The following LIPN variants were observed in gnomAD, a reference collection of about 807,000 sequenced individuals.
The protein encoded by LIPN is lipase family member N, also known as lipase member N.
Under a neutral mutation model 43.7 loss-of-function variants are expected in LIPN, and 32 were observed. That is an observed-to-expected ratio of 0.73 (90% CI 0.55 to 0.98). LIPN has a LOEUF of 0.98. Among genes scored for constraint, LIPN ranks in the 50% least tolerant of loss-of-function variants. LIPN has a pLI of 0.00. For missense variants in LIPN, 505 were observed against 483.8 expected (o/e 1.04, Z -0.41); for synonymous variants, 156 against 157.6 (o/e 0.99, Z 0.08).
chr10:88,758,985 A>G (rs1365549221), upstream of LIPN, among the ~76,000 whole-genome samples: 1 of 152,182 alleles, frequency 6.6e-6, no homozygotes, highest in East Asian at 1.9e-4. Context: ...TGAAGTTAAA[A>G]ACCATGAGAA....
Position 88,774,477 on chromosome 10 carries a change from G to A in LIPN, c.824G>A (p.Arg275Gln), listed in dbSNP as rs372693385. The A allele has an allele frequency of 1.3e-4, 210 of 1,608,454 alleles. 1 individual carries two copies. Among genetic ancestry groups the A allele is most frequent in the South Asian group, 2.4e-4 (22 of 90,516 alleles). ...TATGAGTTTTATCTCCTTTAGAGTC[G>A]AATGGATGTGTATATGTCACATGCT... ...GSNKKNMNQS[R>Q]MDVYMSHAPT... The change falls in exon 8 of 10, where the codon CGA becomes CAA. Residue 275 changes from arginine to glutamine, a missense_variant. Arg to Gln is a conservative substitution (Grantham distance 43, BLOSUM62 1). Transcript: ENST00000404459.
At position 88,760,590 on chromosome 10, in the gene LIPN, C is replaced by A. The variant is rs1590171097; in HGVS notation, c.-9+484C>A. The stretch of plus-strand genomic sequence containing the variant: ...ACTTTTATAAGAAAAATAGTGAAAG[C>A]ATTTATTAAGAACTTACACTGCACT... On this transcript the variant is annotated intron_variant, in intron 1 of 9. Transcript: ENST00000404459. Among the ~76,000 whole-genome samples, 7 of 152,154 alleles carry A rather than the reference C, an allele frequency of 4.6e-5. 1 individual carries two copies. The South Asian group carries it at 1.5e-3, about 32-fold the overall frequency.
In LIPN at chr10:88,768,785, C is replaced by T. The variant is rs894104954; in HGVS notation, c.536-7C>T. 11 of 1,609,096 alleles carry T rather than the reference C, an allele frequency of 6.8e-6. No homozygotes were observed. In the Admixed American group the frequency reaches 8.4e-5, roughly 12 times the overall value. ...TTACAAGATTGTCTTATCTCCTGTT[C>T]TCTCAGGGTTTGTAGCCTTTTCCAC... On this transcript the variant is annotated splice_polypyrimidine_tract_variant and splice_region_variant and intron_variant, in intron 5 of 9. Coordinates refer to ENST00000404459, the MANE Select transcript of LIPN (RefSeq NM_001102469.2).
chr10:88,759,670 T>C (rs1842968214), upstream of LIPN, among the ~76,000 whole-genome samples: 1 of 152,106 alleles, frequency 6.6e-6, no homozygotes, highest in African/African-American at 2.4e-5. Context: ...TTGATATATG[T>C]TACTCCGTTT....
intron 8 of LIPN, among the ~76,000 whole-genome samples, chr10:88,774,824 C>T (rs181894773): frequency 5.0e-4 from 76 of 152,090 alleles, no homozygotes; most frequent in Non-Finnish European, 9.1e-4. Context: ...CTCAGGAGAA[C>T]TGAGACTTCT....
upstream of LIPN, among the ~76,000 whole-genome samples, chr10:88,757,427 T>C (rs1842939612): frequency 6.6e-6 from 1 of 152,180 alleles, no homozygotes; most frequent in Non-Finnish European, 1.5e-5. Context: ...AATTTCTCTT[T>C]AAATGTAAGT....
At chr10:88,759,136 C>A (rs1330779489), upstream of LIPN, among the ~76,000 whole-genome samples, 1 of 152,084 alleles carries the variant, frequency 6.6e-6, no homozygotes, top group African/African-American at 2.4e-5. Flanking sequence ...TCCTTTTACT[C>A]CACATTTGTT....
At chr10:88,762,939 T>C (rs188876903) in intron 3 of LIPN, among the ~76,000 whole-genome samples, 43 of 152,040 alleles carry the variant, frequency 2.8e-4, no homozygotes, top group African/African-American at 9.4e-4. Flanking sequence ...AAAGGGAAAA[T>C]TTAACTACAA....
At chr10:88,767,318 A>G (rs1376283303) in intron 5 of LIPN, among the ~76,000 whole-genome samples, 2 of 151,892 alleles carry the variant, frequency 1.3e-5, no homozygotes, top group African/African-American at 4.8e-5. Flanking sequence ...AAAAAGTATC[A>G]AAGAACTCAT....
intron 2 of LIPN, 41 bp downstream of exon 2, chr10:88,761,554 G>T (rs1443217154): frequency 1.5e-6 from 2 of 1,349,010 alleles, no homozygotes; most frequent in Admixed American, 1.7e-5. Context: ...AATAAAGCAG[G>T]ACTAATGGAG....
chr10:88,778,347 G>T lies in LIPN; in HGVS notation c.*105G>T. ...GGTTGTCCCCCAGCACCCTGGGGGAGATGCACAGTGGAGTCTGTTTTCCAA... is the reference window on the plus strand; with the variant it reads ...GGTTGTCCCCCAGCACCCTGGGGGATATGCACAGTGGAGTCTGTTTTCCAA... On this transcript the variant is annotated 3_prime_UTR_variant, in exon 10 of 10. Coordinates refer to ENST00000404459, the MANE Select transcript of LIPN (RefSeq NM_001102469.2). 2.8e-6 allele frequency: 2 copies of T among 725,092 alleles called. No homozygotes were observed. The highest frequency in any genetic ancestry group is 4.6e-6 in the Non-Finnish European group (2 of 434,760). The allele number at this position is 725,092 out of a possible 1,614,324, so 44.9% of individuals were successfully genotyped here.
At chr10:88,768,170 G>A (rs1285410212) in intron 5 of LIPN, among the ~76,000 whole-genome samples, 1 of 151,684 alleles carries the variant, frequency 6.6e-6, no homozygotes, top group African/African-American at 2.4e-5. Context: ...ATACAAAGGG[G>A]TGCAATGCTA....
Position 88,767,174 on chromosome 10 carries a change from C to A in LIPN, c.535+796C>A, listed in dbSNP as rs150067663. Among the ~76,000 whole-genome samples, 527 of 151,880 alleles carry A rather than the reference C, an allele frequency of 3.5e-3. 1 individual carries two copies. The highest frequency in any genetic ancestry group is 5.9e-3 in the Non-Finnish European group (399 of 67,880). The stretch of plus-strand genomic sequence containing the variant: ...TAAGAGAATAAATCATGTGAAAGTG[C>A]AATATTTCAGTTTAGGGAAATATTT... On this transcript the variant is annotated intron_variant, in intron 5 of 9. Coordinates refer to ENST00000404459, the MANE Select transcript of LIPN (RefSeq NM_001102469.2).
rs750694649 is a variant in LIPN, at chr10:88,778,196, A to G, written c.1151A>G (p.Gln384Arg). Reference protein sequence around the residue: ...FDFVWGLDAPQRMYSEIIALM... With the variant: ...FDFVWGLDAPRRMYSEIIALM... ...TTTGTCTGGGGCCTCGATGCCCCTC[A>G]ACGGATGTACAGTGAAATCATAGCT... is the stretch of plus-strand genomic sequence containing the variant. The change falls in exon 10 of 10, where the codon CAA becomes CGA. Residue 384 changes from glutamine (Q) to arginine (R), a missense_variant. By Grantham distance (43) the Gln-to-Arg change is conservative (BLOSUM62 1). Coordinates refer to ENST00000404459, the MANE Select transcript of LIPN (RefSeq NM_001102469.2). The G allele has an allele frequency of 3.7e-6, 6 of 1,612,780 alleles. No homozygotes were observed. The highest frequency in any genetic ancestry group is 4.5e-5 in the East Asian group (2 of 44,752).
At position 88,778,059 on chromosome 10, in the gene LIPN, T is replaced by C. The variant is rs756354282; in HGVS notation, c.1014T>C (p.Ile338=). 3.1e-6 allele frequency: 5 copies of C among 1,613,504 alleles called. No homozygotes were observed. Among genetic ancestry groups the C allele is most frequent in the Non-Finnish European group, 4.2e-6 (5 of 1,179,688 alleles). Residue 338 remains isoleucine, a synonymous_variant, in exon 10 of 10, where the codon ATT becomes ATC. Coordinates refer to ENST00000404459, the MANE Select transcript of LIPN (RefSeq NM_001102469.2). The part of the protein sequence containing the change: ...DLTAMKVPTA[I]WAGGHDVLVT... Reference sequence around the variant, plus strand: ...CTGCCATGAAAGTGCCTACTGCTATTTGGGCTGGTGGACATGATGTCCTCG... The same window carrying C: ...CTGCCATGAAAGTGCCTACTGCTATCTGGGCTGGTGGACATGATGTCCTCG...
At chr10:88,771,802 T>C (rs1253700018) in intron 7 of LIPN, among the ~76,000 whole-genome samples, 1 of 151,766 alleles carries the variant, frequency 6.6e-6, no homozygotes, top group East Asian at 1.9e-4. Context: ...ATGGTAATTC[T>C]ACTTTTAGTT....
chr10:88,775,880 T>C (rs895749202), intron 9 of LIPN, among the ~76,000 whole-genome samples: 2 of 152,100 alleles, frequency 1.3e-5, no homozygotes, highest in Non-Finnish European at 2.9e-5. Flanking sequence ...AGATTATTAA[T>C]AAGTTGTTTC....
upstream of LIPN, among the ~76,000 whole-genome samples, chr10:88,759,767 T>A (rs1293492276): frequency 6.6e-6 from 1 of 152,100 alleles, no homozygotes; most frequent in Non-Finnish European, 1.5e-5. Flanking sequence ...ACTTCCCTGT[T>A]TGACACACTG....
intron 7 of LIPN, among the ~76,000 whole-genome samples, chr10:88,772,869 GA>G (rs34954894): frequency 0.21 from 28,988 of 140,358 alleles, 2,799 homozygotes; most frequent in Non-Finnish European, 0.22. Context: ...AAAAAAGAAA[GA>G]AAAAAAAAAC....
Sources: gnomAD v4.1 joint callset for allele counts (sites outside exome capture counted in the v4.1 genomes callset) on GRCh38, gnomAD v4.1.1 for gene constraint, MANE v1.5 for transcripts, NCBI Gene and HGNC (gene_info 2026-07-23, HGNC 2026-07-21) for gene names.